RBFOX1: variants seen among roughly 807,000 people sequenced by gnomAD.
The protein encoded by RBFOX1 is RNA binding fox-1 homolog 1.
Under a neutral mutation model 57.7 loss-of-function variants are expected in RBFOX1, and 8 were observed. That is an observed-to-expected ratio of 0.14 (90% CI 0.08 to 0.25). The LOEUF (loss-of-function observed/expected upper bound fraction) is 0.25. RBFOX1 is among the 10% of genes least tolerant of loss of function. RBFOX1 has a pLI of 1.00. For missense variants in RBFOX1, 611 were observed against 548.5 expected, an observed-to-expected ratio of 1.11 and a Z score of -1.14; for synonymous variants, 326 against 222.4, an observed-to-expected ratio of 1.47 and a Z score of -4.15.
intron 3 of RBFOX1, among the ~76,000 whole-genome samples, chr16:6,725,834 A>G (rs1284571922): frequency 2.0e-5 from 3 of 152,160 alleles, no homozygotes; most frequent in South Asian, 4.1e-4. Context: ...TGGGTTGTGC[A>G]ATACTGTTTG....
chr16:7,112,320 A>ACTT (rs2064952221), intron 4 of RBFOX1, among the ~76,000 whole-genome samples: 1 of 151,700 alleles, frequency 6.6e-6, no homozygotes, highest in Non-Finnish European at 1.5e-5. Flanking sequence ...CTCCAGCCTC[A>ACTT]GACTCCAAAG....
At chr16:5,435,841 A>C (rs2067901005) in intron 1 of RBFOX1, among the ~76,000 whole-genome samples, 2 of 152,242 alleles carry the variant, frequency 1.3e-5, no homozygotes, top group East Asian at 3.8e-4. Flanking sequence ...TGCATAATCT[A>C]TTCAGTTAGT....
intron 3 of RBFOX1, among the ~76,000 whole-genome samples, chr16:6,820,730 T>A (rs188400316): frequency 2.0e-5 from 3 of 152,152 alleles, no homozygotes; most frequent in Admixed American, 6.5e-5. Context: ...TAGAAGATTT[T>A]TTAAGAGCCT....
chr16:6,308,311 G>C (rs2079786249), intron 1 of RBFOX1, among the ~76,000 whole-genome samples: 1 of 152,058 alleles, frequency 6.6e-6, no homozygotes, highest in African/African-American at 2.4e-5. Flanking sequence ...TCCTTATGTA[G>C]ATCCTTGTGG....
chr16:7,100,056 T>TG (rs1008423454), intron 4 of RBFOX1, among the ~76,000 whole-genome samples: 2 of 150,878 alleles, frequency 1.3e-5, no homozygotes, highest in Non-Finnish European at 3.0e-5. Context: ...TTTCACATGA[T>TG]GGGGGGTGAG....
At chr16:7,353,566 C>G (rs1455301517) in intron 4 of RBFOX1, among the ~76,000 whole-genome samples, 1 of 152,104 alleles carries the variant, frequency 6.6e-6, no homozygotes, top group Non-Finnish European at 1.5e-5. Context: ...GCTAAATGTT[C>G]ATCAACTAAG....
intron 2 of RBFOX1, among the ~76,000 whole-genome samples, chr16:6,337,601 T>A (rs919885023): frequency 6.6e-6 from 1 of 152,198 alleles, no homozygotes. Flanking sequence ...GAGGCAGATA[T>A]ATAGGCTACA....
intron 2 of RBFOX1, among the ~76,000 whole-genome samples, chr16:6,619,587 T>G (rs1343211864): frequency 6.6e-6 from 1 of 152,028 alleles, no homozygotes; most frequent in Non-Finnish European, 1.5e-5. Flanking sequence ...TCATGAAACC[T>G]ATGCGTCTAA....
chr16:5,477,127 A>C (rs1056614835), intron 2 of RBFOX1, among the ~76,000 whole-genome samples: 1 of 152,154 alleles, frequency 6.6e-6, no homozygotes. Flanking sequence ...GATACCTCCC[A>C]CCTTAGCCTC....
intron 4 of RBFOX1, among the ~76,000 whole-genome samples, chr16:7,440,564 C>T (rs1003134932): frequency 6.6e-6 from 1 of 152,096 alleles, no homozygotes; most frequent in Non-Finnish European, 1.5e-5. Context: ...GCAATTAGGA[C>T]TTAGAGATCC....
intron 3 of RBFOX1, among the ~76,000 whole-genome samples, chr16:6,868,393 C>G (rs57831295): frequency 2.0e-5 from 3 of 152,042 alleles, no homozygotes; most frequent in Non-Finnish European, 2.9e-5. Flanking sequence ...TGTAAGTTTT[C>G]TTTTGGGTTA....
chr16:7,047,036 C>T (rs2048218753), intron 3 of RBFOX1, among the ~76,000 whole-genome samples: 2 of 143,252 alleles, frequency 1.4e-5, no homozygotes, highest in Non-Finnish European at 3.0e-5. Context: ...GAAAGCTCTT[C>T]ATGCAATTTC....
chr16:5,421,200 G>A (rs1340906778), intron 1 of RBFOX1, among the ~76,000 whole-genome samples: 1 of 151,702 alleles, frequency 6.6e-6, no homozygotes, highest in South Asian at 2.1e-4. Flanking sequence ...TAGAGATGAG[G>A]TTTCACCATG....
chr16:7,144,401 T>C (rs1458821757), intron 4 of RBFOX1, among the ~76,000 whole-genome samples: 1 of 109,296 alleles, frequency 9.1e-6, no homozygotes, highest in African/African-American at 3.6e-5. Context: ...TTCTTTTCTC[T>C]TTCTTTTTCT....
chr16:6,900,839 T>C (rs1596594615), intron 3 of RBFOX1, among the ~76,000 whole-genome samples: 1 of 152,138 alleles, frequency 6.6e-6, no homozygotes, highest in Non-Finnish European at 1.5e-5. Flanking sequence ...GGTTGTTGAG[T>C]GTTTGTCTTT....
At chr16:6,031,013 A>G (rs568671998) in intron 1 of RBFOX1, among the ~76,000 whole-genome samples, 1 of 152,328 alleles carries the variant, frequency 6.6e-6, no homozygotes, top group African/African-American at 2.4e-5. Flanking sequence ...ACATGAATGC[A>G]GGTAAAAAGA....
intron 3 of RBFOX1, among the ~76,000 whole-genome samples, chr16:6,928,698 T>G (rs2076034859): frequency 1.3e-5 from 2 of 151,958 alleles, no homozygotes; most frequent in Non-Finnish European, 2.9e-5. Context: ...GAGGTCAGAG[T>G]GGTAAGTAAA....
At chr16:7,173,257 C>T (rs2081050286) in intron 4 of RBFOX1, among the ~76,000 whole-genome samples, 2 of 152,286 alleles carry the variant, frequency 1.3e-5, no homozygotes, top group African/African-American at 4.8e-5. Flanking sequence ...ACGCCACTGA[C>T]TACGAAAACC....
chr16:5,917,766 A>C (rs2058740502), intron 4 of RBFOX1, among the ~76,000 whole-genome samples: 1 of 152,176 alleles, frequency 6.6e-6, no homozygotes, highest in South Asian at 2.1e-4. Flanking sequence ...TTTTTAATGT[A>C]GTCTCAAAGT....
Sources: allele counts gnomAD v4.1 joint callset (sites outside exome capture counted in the v4.1 genomes callset), GRCh38; gene constraint gnomAD v4.1.1; transcripts MANE v1.5; gene names NCBI Gene and HGNC (gene_info 2026-07-23, HGNC 2026-07-21).